NIPAL1: variants seen among roughly 807,000 people sequenced by gnomAD.
NIPAL1 encodes magnesium transporter NIPA3.
In NIPAL1, 35 loss-of-function variants were observed where a neutral mutation model predicts 37.7. The ratio of observed to expected loss-of-function variants is 0.93; its 90% CI spans 0.71 to 1.23. The LOEUF is 1.23. NIPAL1 is among the 50% of genes most tolerant of loss of function. NIPAL1 has a pLI of 0.00. For synonymous variants in NIPAL1, 162 were observed against 183.0 expected (o/e 0.89, Z 0.93); for missense variants, 412 against 473.9 (o/e 0.87, Z 1.21).
Position 48,035,959 on chromosome 4 carries a change from C to CAG in NIPAL1, c.1020_1021insAG (p.Leu341SerfsTer2), listed in dbSNP as rs1177374614. 1 of 1,613,654 alleles carries CAG rather than the reference C, an allele frequency of 6.2e-7. No individual in the cohort carries two copies. Among genetic ancestry groups the CAG allele is most frequent in the Non-Finnish European group, 8.5e-7 (1 of 1,179,778 alleles). On this transcript the variant is annotated frameshift_variant, in exon 6 of 6. Transcript: ENST00000295461. LOFTEE classifies it high-confidence loss of function. ...TGACAGCTGGAGATATCATTGGGAC[C>CAG]CTGAGTGGATTCTTCACTATTATCA...
rs1716011738 is a variant in NIPAL1 at position 48,038,761 on chromosome 4, T to A, written c.*2589T>A. ...GACATCCAACCTGGGACTCTGGTGA[T>A]TCTGTGTTCTGGCGAATTTAAGTTT... is the stretch of plus-strand genomic sequence containing the variant. On this transcript the variant is annotated 3_prime_UTR_variant, in exon 6 of 6. Transcript: ENST00000295461. The A allele has an allele frequency of 6.6e-6, 1 of 152,220 alleles. No individual in the cohort carries two copies. Among genetic ancestry groups the A allele is most frequent in the Non-Finnish European group, 1.5e-5 (1 of 68,060 alleles). 9.4% of individuals were successfully genotyped at this position (152,220 alleles called of 1,614,324 possible).
At position 48,016,899 on chromosome 4, in the gene NIPAL1, C is replaced by A; in HGVS notation, c.46+14C>A. 6.3e-7 allele frequency: 1 copy of A among 1,594,178 alleles called. No individual in the cohort carries two copies. The highest frequency in any genetic ancestry group is 1.1e-5 in the South Asian group (1 of 88,220). ...CCTGCCGAGAAGGTTTGTGTCTGCC[C>A]TGAGCCGAGGGACCTGGCAGCTGGG... On this transcript the variant is annotated intron_variant, in intron 1 of 5. Coordinates refer to ENST00000295461, the MANE Select transcript of NIPAL1 (RefSeq NM_207330.3).
chr4:48,025,411 T>G, intron 2 of NIPAL1, 77 bp downstream of exon 2: 1 of 1,356,746 alleles, frequency 7.4e-7, no homozygotes, highest in Non-Finnish European at 1.0e-6. Flanking sequence ...AGCAATACTC[T>G]TATAAACTTG....
At chr4:48,029,954 C>T (rs186580589) in intron 2 of NIPAL1, among the ~76,000 whole-genome samples, 166 bp from the exon 3 acceptor site, 1 of 152,214 alleles carries the variant, frequency 6.6e-6, no homozygotes, top group East Asian at 1.9e-4. Context: ...GGAAAAAAAG[C>T]TTTAGAAGAG....
At chr4:48,021,652 AAAC>A (rs1715569848) in intron 1 of NIPAL1, among the ~76,000 whole-genome samples, 1 of 152,152 alleles carries the variant, frequency 6.6e-6, no homozygotes, top group African/African-American at 2.4e-5. Context: ...AGTGGGGAAA[AAAC>A]AAATCCTGCA....
intron 1 of NIPAL1, among the ~76,000 whole-genome samples, chr4:48,022,799 C>T (rs539120115): frequency 8.6e-5 from 13 of 151,200 alleles, no homozygotes; most frequent in East Asian, 3.9e-4. Context: ...GCCTGGCCAA[C>T]GTAGTGAGAG....
rs975180927 is a variant in NIPAL1 at position 48,034,861 on chromosome 4, A to C, written c.462-20A>C. ...AGGTAATTGAGCTATAGTGATTTTT[A>C]ATTTTTTCTCTCCCAACAGTGCAAT... On this transcript the variant is annotated intron_variant, in intron 4 of 5. Coordinates refer to ENST00000295461, the MANE Select transcript of NIPAL1 (RefSeq NM_207330.3). 14 of 1,599,890 alleles carry C rather than the reference A, an allele frequency of 8.8e-6. No individual in the cohort carries two copies. In the African/African-American group the frequency reaches 1.6e-4, roughly 18 times the overall value.
At chr4:48,026,970 G>A (rs906630140) in intron 2 of NIPAL1, among the ~76,000 whole-genome samples, 4 of 151,566 alleles carry the variant, frequency 2.6e-5, no homozygotes, top group East Asian at 1.9e-4. Context: ...CGCCCGCCTC[G>A]GCCTCCCAAA....
At chr4:48,024,481 A>C (rs989404416) in intron 1 of NIPAL1, among the ~76,000 whole-genome samples, 1 of 151,966 alleles carries the variant, frequency 6.6e-6, no homozygotes, top group African/African-American at 2.4e-5. Flanking sequence ...GGGTTTCACT[A>C]TGTTGCCCAG....
chr4:48,024,794 T>C (rs1302791976), intron 1 of NIPAL1, among the ~76,000 whole-genome samples: 1 of 149,724 alleles, frequency 6.7e-6, no homozygotes, highest in East Asian at 2.0e-4. Context: ...ACATAAGTGT[T>C]CCCAGATCGA....
chr4:48,038,384 A>G lies in NIPAL1; in HGVS notation c.*2212A>G, dbSNP rs1716000118. The G allele has an allele frequency of 6.6e-6, 1 of 152,168 alleles. No homozygotes were observed. The highest frequency in any genetic ancestry group is 1.5e-5 in the Non-Finnish European group (1 of 68,026). The allele number at this position is 152,168 out of a possible 1,614,324, so 9.4% of individuals were successfully genotyped here. A position where few individuals can be genotyped will look rare whatever the true frequency, so the allele number is the denominator to read the frequency against. ...ATCTTCTGTCTGGGCAATGGCTCAC[A>G]CCTGTAATTCCAACACTTTGGGGGG... On this transcript the variant is annotated 3_prime_UTR_variant, in exon 6 of 6. Coordinates refer to ENST00000295461, the MANE Select transcript of NIPAL1 (RefSeq NM_207330.3).
Position 48,037,037 on chromosome 4 carries a change from T to G in NIPAL1, c.*865T>G, listed in dbSNP as rs1715967292. On this transcript the variant is annotated 3_prime_UTR_variant, in exon 6 of 6. Coordinates refer to ENST00000295461, the MANE Select transcript of NIPAL1 (RefSeq NM_207330.3). ...TTCCTTCTGCACCTCCTTCTTAAAC[T>G]AGATAGCTAATTAGTTATTTTAAGA... 6.2e-6 allele frequency: 1 copy of G among 161,962 alleles called. No individual in the cohort carries two copies. The highest frequency in any genetic ancestry group is 1.4e-5 in the Non-Finnish European group (1 of 73,996). 10.0% of individuals were successfully genotyped at this position (161,962 alleles called of 1,614,324 possible).
Position 48,036,350 on chromosome 4 carries a change from A to G in NIPAL1, c.*178A>G, listed in dbSNP as rs887855076. On this transcript the variant is annotated 3_prime_UTR_variant, in exon 6 of 6. Coordinates refer to ENST00000295461, the MANE Select transcript of NIPAL1 (RefSeq NM_207330.3). ...ATTGAATTTGAAAATCAAATTGATT[A>G]TCCTCCAGAATCTCTACAAACTTTG... The G allele has an allele frequency of 1.4e-5, 8 of 567,296 alleles. No homozygotes were observed. The Admixed American group carries it at 1.5e-4, about 10-fold the overall frequency. 35.1% of individuals were successfully genotyped at this position (567,296 alleles called of 1,614,324 possible).
intron 1 of NIPAL1, among the ~76,000 whole-genome samples, chr4:48,024,092 C>A (rs1202330545): frequency 6.6e-6 from 1 of 151,804 alleles, no homozygotes; most frequent in Middle Eastern, 3.4e-3. Context: ...CCTGCCTCCA[C>A]CTCCAGAGTA....
chr4:48,021,821 T>A (rs1035416316), intron 1 of NIPAL1, among the ~76,000 whole-genome samples: 7 of 151,988 alleles, frequency 4.6e-5, no homozygotes, highest in African/African-American at 1.2e-4. Context: ...AAAGAGAAAA[T>A]CAGGATAGTT....
chr4:48,018,846 G>A (rs1400620190), intron 1 of NIPAL1, among the ~76,000 whole-genome samples: 1 of 152,132 alleles, frequency 6.6e-6, no homozygotes, highest in African/African-American at 2.4e-5. Flanking sequence ...CATTATAATA[G>A]CAGTAATGTA....
At chr4:48,030,327 AT>A in intron 3 of NIPAL1, 151 bp downstream of exon 3, 1 of 415,226 alleles carries the variant, frequency 2.4e-6, no homozygotes, top group Admixed American at 4.0e-5. Flanking sequence ...ATATTGTCCT[AT>A]ATATACTATT....
intron 1 of NIPAL1, 84 bp from the exon 2 acceptor site, chr4:48,024,984 A>G: frequency 8.1e-7 from 1 of 1,234,872 alleles, no homozygotes; most frequent in Non-Finnish European, 1.2e-6. Flanking sequence ...CCATCCACTC[A>G]AGGCTCTGTT....
intron 1 of NIPAL1, among the ~76,000 whole-genome samples, chr4:48,018,203 T>TTGTG (rs1715490144): frequency 6.6e-6 from 1 of 152,200 alleles, no homozygotes; most frequent in Non-Finnish European, 1.5e-5. Flanking sequence ...GAGAGTCAGG[T>TTGTG]TGTGTGCCCT....
Sources: gnomAD v4.1 joint callset for allele counts (sites outside exome capture counted in the v4.1 genomes callset) on GRCh38, gnomAD v4.1.1 for gene constraint, MANE v1.5 for transcripts, NCBI Gene and HGNC (gene_info 2026-07-23, HGNC 2026-07-21) for gene names.